Variants in CHST3 observed in about 807,000 individuals in gnomAD.
CHST3 encodes C6ST-1.
Under a neutral mutation model 35.4 loss-of-function variants are expected in CHST3, and 20 were observed. The ratio of observed to expected loss-of-function variants is 0.57; its 90% confidence interval spans 0.40 to 0.82. CHST3 has a LOEUF of 0.82. Ranked by LOEUF, CHST3 falls within the 40% of genes least tolerant of loss-of-function variation. The pLI is 0.00. For missense variants in CHST3, 693 were observed against 670.1 expected, an observed-to-expected ratio of 1.03 and a Z score of -0.38; for synonymous variants, 334 against 295.9, an observed-to-expected ratio of 1.13 and a Z score of -1.32.
At chr10:71,966,076 G>A (rs1380366618) in intron 1 of CHST3, among the ~76,000 whole-genome samples, 2 of 152,156 alleles carry the variant, frequency 1.3e-5, no homozygotes, top group Non-Finnish European at 2.9e-5. Flanking sequence ...GAGAGGGGTT[G>A]GTTCCATCAA....
intron 1 of CHST3, among the ~76,000 whole-genome samples, chr10:71,982,574 G>A (rs1839810991): frequency 1.3e-5 from 2 of 152,086 alleles, no homozygotes; most frequent in South Asian, 4.1e-4. Context: ...GCAACCTGAT[G>A]AAACCCCTGT....
At chr10:71,983,506 A>G (rs915780058) in intron 1 of CHST3, among the ~76,000 whole-genome samples, 1 of 152,178 alleles carries the variant, frequency 6.6e-6, no homozygotes, top group Admixed American at 6.5e-5. Flanking sequence ...GCTAGAGTGC[A>G]GTGGCTCAAT....
chr10:71,980,444 G>T (rs918983840), intron 1 of CHST3, among the ~76,000 whole-genome samples: 1 of 152,012 alleles, frequency 6.6e-6, no homozygotes, highest in African/African-American at 2.4e-5. Flanking sequence ...ACACAATGCT[G>T]TTGTGTTTAA....
At chr10:72,005,410 A>G (rs1358792372) in intron 1 of CHST3, among the ~76,000 whole-genome samples, 1 of 151,964 alleles carries the variant, frequency 6.6e-6, no homozygotes, top group African/African-American at 2.4e-5. Context: ...TGGATGCTCC[A>G]CCATTTTCAT....
Position 72,010,024 on chromosome 10 carries a change from G to C in CHST3, c.*1553G>C, listed in dbSNP as rs1010712162. On this transcript the variant is annotated 3_prime_UTR_variant, in exon 3 of 3. Coordinates refer to ENST00000373115, the MANE Select transcript of CHST3 (RefSeq NM_004273.5). ...CGTGGCAGGCCACAGTGCCCTATGG[G>C]CTTTTCTGTTTGAACCCCATGTGGG... The C allele has an allele frequency of 1.0e-4, 16 of 152,694 alleles. No individual in the cohort carries two copies. The highest frequency in any genetic ancestry group is 3.6e-4 in the African/African-American group (15 of 41,554). The allele number at this position is 152,694 out of a possible 1,614,324, so 9.5% of individuals were successfully genotyped here.
intron 2 of CHST3, 82 bp from the exon 3 acceptor site, chr10:72,007,090 T>C: frequency 6.7e-7 from 1 of 1,496,536 alleles, no homozygotes; most frequent in Non-Finnish European, 9.1e-7. Flanking sequence ...GTTTTGGTGA[T>C]CTGCTTGGAG....
intron 1 of CHST3, among the ~76,000 whole-genome samples, chr10:71,966,580 G>T (rs760210562): frequency 6.6e-6 from 1 of 152,318 alleles, no homozygotes; most frequent in Non-Finnish European, 1.5e-5. Flanking sequence ...AGCAAGGCAT[G>T]TGGGCGGCAC....
chr10:71,985,753 A>AATCTG (rs1839842045), intron 1 of CHST3, among the ~76,000 whole-genome samples: 1 of 152,184 alleles, frequency 6.6e-6, no homozygotes, highest in South Asian at 2.1e-4. Flanking sequence ...AGGTCTCATG[A>AATCTG]ATCTGTTACC....
At chr10:71,997,840 G>A (rs1001507781) in intron 1 of CHST3, among the ~76,000 whole-genome samples, 1 of 151,996 alleles carries the variant, frequency 6.6e-6, no homozygotes, top group African/African-American at 2.4e-5. Flanking sequence ...GCTAATTTTT[G>A]TATTTTTAGT....
At chr10:71,989,089 G>T (rs537397375) in intron 1 of CHST3, among the ~76,000 whole-genome samples, 1 of 152,318 alleles carries the variant, frequency 6.6e-6, no homozygotes, top group African/African-American at 2.4e-5. Flanking sequence ...TTGAACTTAG[G>T]AGGTGGAGGT....
Position 72,007,410 on chromosome 10 carries a change from G to A in CHST3, c.379G>A (p.Ala127Thr). ...AAAGGAGGAGGAGCCGCCCAGACCG[G>A]CCGTGGCGGGGCCCCGGCGCCACGT... ...QRKEEEPPRPAVAGPRRHVLL... is the reference protein window; with the variant it reads ...QRKEEEPPRPTVAGPRRHVLL... The change falls in exon 3 of 3, where the codon GCC (alanine) becomes ACC (threonine). Residue 127 changes from alanine to threonine, a missense_variant. Coordinates refer to ENST00000373115, the MANE Select transcript of CHST3 (RefSeq NM_004273.5). 6.2e-7 allele frequency: 1 copy of A among 1,605,330 alleles called. No homozygotes were observed. Among genetic ancestry groups the A allele is most frequent in the Non-Finnish European group, 8.5e-7 (1 of 1,178,650 alleles).
Position 72,008,594 on chromosome 10 carries a change from C to G in CHST3, c.*123C>G. 7.0e-7 allele frequency: 1 copy of G among 1,431,222 alleles called. No individual in the cohort carries two copies. The highest frequency in any genetic ancestry group is 1.5e-5 in the South Asian group (1 of 66,520). 88.7% of individuals were successfully genotyped at this position (1,431,222 alleles called of 1,614,324 possible). A position where few individuals can be genotyped will look rare whatever the true frequency, so the allele number is the denominator to read the frequency against. On this transcript the variant is annotated 3_prime_UTR_variant, in exon 3 of 3. Coordinates refer to ENST00000373115, the MANE Select transcript of CHST3 (RefSeq NM_004273.5). ...CAGCGCCTCCTGTAGCAGTAGGGCC[C>G]CCAGCCAGCGCTCCAGCCAAAGCGG...
At chr10:71,964,916 C>T (rs951336310) in intron 1 of CHST3, among the ~76,000 whole-genome samples, 1 of 152,256 alleles carries the variant, frequency 6.6e-6, no homozygotes, top group Non-Finnish European at 1.5e-5. Flanking sequence ...CACAGCTCAT[C>T]GCCACTCATA....
Position 72,008,559 on chromosome 10 carries a change from C to T in CHST3, c.*88C>T. 6.9e-7 allele frequency: 1 copy of T among 1,441,584 alleles called. No individual in the cohort carries two copies. The highest frequency in any genetic ancestry group is 1.5e-5 in the South Asian group (1 of 67,436). 89.3% of individuals were successfully genotyped at this position (1,441,584 alleles called of 1,614,324 possible). On this transcript the variant is annotated 3_prime_UTR_variant, in exon 3 of 3. Transcript: ENST00000373115. ...CTCGCAGAGGGCGGGTGCACAGCGC[C>T]ATGAGCGGGCAGCGCCTCCTGTAGC...
At chr10:71,987,272 G>A (rs537591615) in intron 1 of CHST3, among the ~76,000 whole-genome samples, 4 of 151,466 alleles carry the variant, frequency 2.6e-5, no homozygotes, top group Admixed American at 1.3e-4. Context: ...AAGTCAGGGC[G>A]GGAGCAGGAA....
chr10:71,989,968 C>G (rs1159985382), intron 1 of CHST3, among the ~76,000 whole-genome samples: 1 of 152,204 alleles, frequency 6.6e-6, no homozygotes, highest in Non-Finnish European at 1.5e-5. Flanking sequence ...TAACATTGAG[C>G]TAACAAGTTG....
intron 1 of CHST3, among the ~76,000 whole-genome samples, chr10:71,983,123 GGTT>G (rs776784320): frequency 1.3e-5 from 2 of 152,250 alleles, no homozygotes; most frequent in Non-Finnish European, 2.9e-5. Context: ...GGGTGGGCCA[GGTT>G]GTCCCCAGGT....
intron 1 of CHST3, among the ~76,000 whole-genome samples, chr10:71,975,179 G>C (rs984019928): frequency 6.6e-6 from 1 of 152,230 alleles, no homozygotes; most frequent in African/African-American, 2.4e-5. Context: ...ATACAGTTGA[G>C]TGTCTGAGAG....
In CHST3 at chr10:72,008,057, G is replaced by T. The variant is rs912650464; in HGVS notation, c.1026G>T (p.Arg342=). The change falls in exon 3 of 3, where the codon CGG becomes CGT. Residue 342 remains arginine (R), a synonymous_variant. Coordinates refer to ENST00000373115, the MANE Select transcript of CHST3 (RefSeq NM_004273.5). The part of the protein sequence containing the change: ...GLREEEVQRL[R]GNCESIRLSA... ...GGGAAGAGGAGGTGCAGCGGCTGCGGGGCAACTGCGAGAGCATCCGCCTGT... is the reference window on the plus strand; with the variant it reads ...GGGAAGAGGAGGTGCAGCGGCTGCGTGGCAACTGCGAGAGCATCCGCCTGT... The T allele has an allele frequency of 6.5e-7, 1 of 1,549,098 alleles. No homozygotes were observed. Among genetic ancestry groups the T allele is most frequent in the Non-Finnish European group, 8.7e-7 (1 of 1,146,398 alleles).
Sources: allele counts gnomAD v4.1 joint callset (sites outside exome capture counted in the v4.1 genomes callset), GRCh38; gene constraint gnomAD v4.1.1; transcripts MANE v1.5; gene names NCBI Gene and HGNC (gene_info 2026-07-23, HGNC 2026-07-21).